Variants in INPP4B observed in about 807,000 individuals in gnomAD.
The protein encoded by INPP4B is inositol polyphosphate 4-phosphatase type II.
A neutral mutation model predicts 122.5 loss-of-function variants in INPP4B; 55 were observed. That is an observed-to-expected ratio of 0.45 (90% CI 0.36 to 0.56). INPP4B has a LOEUF of 0.56. INPP4B is among the 20% of genes least tolerant of loss of function. INPP4B has a pLI of 0.00. For missense variants in INPP4B, 1,000 were observed against 1,097.7 expected (o/e 0.91, Z 1.26); for synonymous variants, 403 against 388.7 (o/e 1.04, Z -0.43).
chr4:142,372,989 G>A (rs1419946678), intron 7 of INPP4B, among the ~76,000 whole-genome samples: 2 of 151,868 alleles, frequency 1.3e-5, no homozygotes, highest in Admixed American at 6.6e-5. Flanking sequence ...ACACACACAG[G>A]GGCATGTAGT....
At chr4:142,222,955 T>C (rs113970564) in intron 12 of INPP4B, among the ~76,000 whole-genome samples, 4,448 of 152,298 alleles carry the variant, frequency 0.029, 203 homozygotes, top group African/African-American at 0.1. Context: ...TTTACATAAA[T>C]GTTAGGCATG....
intron 2 of INPP4B, among the ~76,000 whole-genome samples, chr4:142,672,773 T>C (rs1348181908): frequency 6.6e-6 from 1 of 152,162 alleles, no homozygotes; most frequent in Admixed American, 6.6e-5. Flanking sequence ...TTTATGAATC[T>C]TGCTTTTAGT....
At chr4:142,482,165 T>A (rs1458863622) in intron 2 of INPP4B, among the ~76,000 whole-genome samples, 1 of 152,092 alleles carries the variant, frequency 6.6e-6, no homozygotes, top group Admixed American at 6.6e-5. Flanking sequence ...CTTAGGAATT[T>A]TATATATATT....
chr4:142,681,086 A>G (rs1342326351), intron 2 of INPP4B, among the ~76,000 whole-genome samples: 1 of 151,866 alleles, frequency 6.6e-6, no homozygotes, highest in East Asian at 1.9e-4. Context: ...TTGAGTTTTC[A>G]TTCAAGTCTA....
At chr4:142,717,007 T>A (rs535416271) in intron 2 of INPP4B, among the ~76,000 whole-genome samples, 1 of 152,224 alleles carries the variant, frequency 6.6e-6, no homozygotes, top group Non-Finnish European at 1.5e-5. Context: ...CTATGATCAA[T>A]CTTATTATTT....
At chr4:142,078,184 G>GTAGA (rs1771878489) in intron 25 of INPP4B, among the ~76,000 whole-genome samples, 2 of 151,694 alleles carry the variant, frequency 1.3e-5, no homozygotes, top group Admixed American at 1.3e-4. Context: ...TGGATAAGTA[G>GTAGA]AAAAAAAGGA....
At chr4:142,371,656 A>T (rs1387500600) in intron 7 of INPP4B, among the ~76,000 whole-genome samples, 2 of 152,066 alleles carry the variant, frequency 1.3e-5, no homozygotes, top group African/African-American at 4.8e-5. Flanking sequence ...AAAAGAAGAC[A>T]AATTGAAACA....
intron 2 of INPP4B, among the ~76,000 whole-genome samples, chr4:142,652,987 C>T (rs1014020566): frequency 1.3e-5 from 2 of 152,164 alleles, no homozygotes; most frequent in South Asian, 4.1e-4. Flanking sequence ...TACAAGGCTA[C>T]AGTAACCAAA....
chr4:142,445,403 G>C (rs1392778133), intron 3 of INPP4B, among the ~76,000 whole-genome samples: 2 of 152,046 alleles, frequency 1.3e-5, no homozygotes, highest in Non-Finnish European at 1.5e-5. Flanking sequence ...AGAACAAAAC[G>C]TCAAGAAAAC....
At chr4:142,682,477 A>G (rs914200594) in intron 2 of INPP4B, among the ~76,000 whole-genome samples, 3 of 151,970 alleles carry the variant, frequency 2.0e-5, no homozygotes, top group African/African-American at 7.2e-5. Context: ...AAATACAATA[A>G]TATCCTTAAA....
chr4:142,377,420 T>A (rs1792338457), intron 7 of INPP4B, among the ~76,000 whole-genome samples: 1 of 152,080 alleles, frequency 6.6e-6, no homozygotes, highest in Admixed American at 6.6e-5. Flanking sequence ...GCAGTTTGAA[T>A]GATGTCTCAA....
chr4:142,753,827 A>C (rs1181545949), intron 1 of INPP4B, among the ~76,000 whole-genome samples: 1 of 152,066 alleles, frequency 6.6e-6, no homozygotes, highest in African/African-American at 2.4e-5. Flanking sequence ...TTTTTGTGCA[A>C]ATTACTACAA....
intron 7 of INPP4B, among the ~76,000 whole-genome samples, chr4:142,367,787 C>G (rs539705696): frequency 1.3e-5 from 2 of 152,280 alleles, no homozygotes; most frequent in East Asian, 3.9e-4. Context: ...AGATCTACCT[C>G]TGCTATGCAA....
At chr4:142,605,677 A>C (rs1314731886) in intron 2 of INPP4B, among the ~76,000 whole-genome samples, 1 of 152,160 alleles carries the variant, frequency 6.6e-6, no homozygotes, top group East Asian at 1.9e-4. Flanking sequence ...GATATATGAG[A>C]AAATGTTCAA....
intron 8 of INPP4B, among the ~76,000 whole-genome samples, chr4:142,312,449 G>A (rs79091193): frequency 0.014 from 2,134 of 152,248 alleles, 21 homozygotes; most frequent in Non-Finnish European, 0.023. Context: ...GCCTAGAGGT[G>A]TCTAAACCAC....
In INPP4B at chr4:142,475,458, A is replaced by G. The variant is rs531637565; in HGVS notation, c.-190-12732T>C. On this transcript the variant is annotated intron_variant, in intron 2 of 25. Transcript: ENST00000262992. ...GTGTCCTTCTTACCTCTAAACAACCATACTACTTACCCAGAAATGGTTCTT... is the reference window on the plus strand; with the variant it reads ...GTGTCCTTCTTACCTCTAAACAACCGTACTACTTACCCAGAAATGGTTCTT... Among the ~76,000 whole-genome samples, 3 of 152,234 alleles carry G rather than the reference A, an allele frequency of 2.0e-5. No homozygotes were observed. In the East Asian group the frequency reaches 5.8e-4, roughly 29 times the overall value.
intron 11 of INPP4B, among the ~76,000 whole-genome samples, chr4:142,254,985 A>G (rs1251407844): frequency 6.6e-6 from 1 of 152,238 alleles, no homozygotes; most frequent in Non-Finnish European, 1.5e-5. Context: ...AGGGAAGCCC[A>G]TCAGACTAAC....
intron 7 of INPP4B, among the ~76,000 whole-genome samples, chr4:142,375,045 T>C (rs548876618): frequency 3.5e-4 from 53 of 151,926 alleles, no homozygotes; most frequent in Non-Finnish European, 6.0e-4. Context: ...CTCTTCCTTC[T>C]TTTTGCTACC....
At chr4:142,246,114 A>ATGTGTGTGTATACACACACACATATATAT (rs1351514617) in intron 11 of INPP4B, among the ~76,000 whole-genome samples, 5 of 143,424 alleles carry the variant, frequency 3.5e-5, no homozygotes, top group African/African-American at 1.2e-4. Flanking sequence ...ACACATATAT[A>ATGTGTGTGTATACACACACACATATATAT]TATGTGTATG....
Sources: allele counts gnomAD v4.1 joint callset (sites outside exome capture counted in the v4.1 genomes callset), GRCh38; gene constraint gnomAD v4.1.1; transcripts MANE v1.5; gene names NCBI Gene and HGNC (gene_info 2026-07-23, HGNC 2026-07-21).